Variants in APP observed in about 807,000 individuals in gnomAD.
APP encodes amyloid beta precursor protein, also known as amyloid-beta precursor protein.
Under a neutral mutation model 101.4 loss-of-function variants are expected in APP, and 31 were observed. The observed-to-expected ratio is 0.31, with a 90% CI of 0.23 to 0.41. The LOEUF is 0.41. Ranked by LOEUF, APP falls within the 10% of genes least tolerant of loss-of-function variation. The probability of loss-of-function intolerance (pLI) is 1.00; values close to 1 mark genes in which losing one functional copy is unlikely to be tolerated. For missense variants in APP, 839 were observed against 1,003.7 expected (o/e 0.84, Z 2.22); for synonymous variants, 366 against 364.4 (o/e 1.00, Z -0.05).
intron 13 of APP, among the ~76,000 whole-genome samples, chr21:25,918,826 G>C (rs1286394758): frequency 6.7e-6 from 1 of 149,934 alleles, no homozygotes; most frequent in Non-Finnish European, 1.5e-5. Context: ...CATTGCCCAG[G>C]CTTGCTTAGG....
chr21:26,074,003 T>C (rs1488683610), intron 3 of APP, among the ~76,000 whole-genome samples: 2 of 152,130 alleles, frequency 1.3e-5, no homozygotes, highest in African/African-American at 2.4e-5. Flanking sequence ...TATAGCAACA[T>C]TGGGAAACTA....
chr21:25,910,228 T>C (rs1330944641), intron 14 of APP, among the ~76,000 whole-genome samples: 29 of 151,732 alleles, frequency 1.9e-4, no homozygotes, highest in Non-Finnish European at 3.1e-4. Context: ...CCCGGGTTCA[T>C]GCCATTCTCC....
chr21:26,149,615 T>C (rs1452443892), intron 1 of APP, among the ~76,000 whole-genome samples: 3 of 152,220 alleles, frequency 2.0e-5, no homozygotes, highest in Non-Finnish European at 4.4e-5. Flanking sequence ...TATAATACAA[T>C]AATTCTCCCT....
intron 14 of APP, among the ~76,000 whole-genome samples, chr21:25,906,638 G>A (rs993925312): frequency 6.6e-6 from 1 of 152,164 alleles, no homozygotes; most frequent in South Asian, 2.1e-4. Context: ...AATACATTTC[G>A]ACAATGAGGT....
At chr21:26,067,587 C>T (rs2046506061) in intron 3 of APP, among the ~76,000 whole-genome samples, 1 of 152,138 alleles carries the variant, frequency 6.6e-6, no homozygotes, top group Non-Finnish European at 1.5e-5. Context: ...ACATTTTAGT[C>T]AATGGGAGGC....
chr21:25,951,531 T>G (rs910216659), intron 13 of APP, among the ~76,000 whole-genome samples: 2 of 152,210 alleles, frequency 1.3e-5, no homozygotes, highest in African/African-American at 4.8e-5. Flanking sequence ...ATTTTCTCCT[T>G]TTGCCAGTGT....
chr21:26,025,768 T>C (rs2044543748), intron 5 of APP, among the ~76,000 whole-genome samples: 1 of 152,226 alleles, frequency 6.6e-6, no homozygotes, highest in Non-Finnish European at 1.5e-5. Flanking sequence ...TTCAACCGGC[T>C]AAGGAATTAA....
intron 3 of APP, among the ~76,000 whole-genome samples, chr21:26,070,453 C>G (rs1050442974): frequency 6.6e-6 from 1 of 151,992 alleles, no homozygotes; most frequent in Non-Finnish European, 1.5e-5. Flanking sequence ...CAGAAAATGC[C>G]CCTGGAGAAT....
At chr21:26,159,390 A>AT (rs912166734) in intron 1 of APP, among the ~76,000 whole-genome samples, 31 of 152,286 alleles carry the variant, frequency 2.0e-4, no homozygotes, top group African/African-American at 7.2e-4. Context: ...TAAATTAGTA[A>AT]TTTTTTAAAC....
chr21:26,052,522 T>C (rs2045878147), intron 4 of APP, among the ~76,000 whole-genome samples: 1 of 152,224 alleles, frequency 6.6e-6, no homozygotes, highest in Admixed American at 6.5e-5. Context: ...GCTGTGAAGG[T>C]GGTCTTACCA....
intron 3 of APP, chr21:26,089,697 G>A: frequency 2.5e-6 from 1 of 402,484 alleles, no homozygotes; most frequent in Non-Finnish European, 4.5e-6. Flanking sequence ...CCTGGAACTG[G>A]CCCAGGAATT....
intron 8 of APP, among the ~76,000 whole-genome samples, chr21:25,984,615 T>C (rs1000292725): frequency 5.3e-5 from 8 of 152,214 alleles, no homozygotes; most frequent in Admixed American, 3.3e-4. Context: ...CTTACTGACT[T>C]TAACTTAATG....
At chr21:25,903,934 C>A (rs143452843) in intron 15 of APP, among the ~76,000 whole-genome samples, 1 of 152,164 alleles carries the variant, frequency 6.6e-6, no homozygotes, top group Non-Finnish European at 1.5e-5. Context: ...TCATCAGTGA[C>A]CGTGCTTGGA....
At chr21:25,961,512 T>C (rs1188749990) in intron 11 of APP, among the ~76,000 whole-genome samples, 1 of 152,168 alleles carries the variant, frequency 6.6e-6, no homozygotes, top group Non-Finnish European at 1.5e-5. Context: ...TTTTGATATA[T>C]GATTCCTGCA....
At chr21:26,069,853 G>A (rs961887720) in intron 3 of APP, among the ~76,000 whole-genome samples, 1 of 152,120 alleles carries the variant, frequency 6.6e-6, no homozygotes. Context: ...AGTACACAGA[G>A]AATGAGAAAG....
intron 1 of APP, among the ~76,000 whole-genome samples, chr21:26,141,048 G>A (rs1393929663): frequency 1.3e-5 from 2 of 152,168 alleles, no homozygotes. Context: ...GTAAAATGGA[G>A]TATCTATCTC....
chr21:25,969,297 A>G (rs2041916271), intron 11 of APP, among the ~76,000 whole-genome samples: 1 of 148,176 alleles, frequency 6.7e-6, no homozygotes. Flanking sequence ...GCAGTGAGCC[A>G]AGATCACGCC....
intron 6 of APP, among the ~76,000 whole-genome samples, chr21:26,005,688 A>T (rs1031915836): frequency 1.3e-5 from 2 of 152,224 alleles, no homozygotes; most frequent in Non-Finnish European, 2.9e-5. Context: ...ATATCTCAAG[A>T]GAGAGTTCAA....
chr21:26,023,805 G>C (rs2044453300), intron 5 of APP, among the ~76,000 whole-genome samples: 2 of 152,234 alleles, frequency 1.3e-5, no homozygotes, highest in South Asian at 4.1e-4. Context: ...CTGAGAATGT[G>C]CATTTCAAAT....
Sources: gnomAD v4.1 joint callset for allele counts (sites outside exome capture counted in the v4.1 genomes callset) on GRCh38, gnomAD v4.1.1 for gene constraint, MANE v1.5 for transcripts, NCBI Gene and HGNC (gene_info 2026-07-23, HGNC 2026-07-21) for gene names.